The following SLC7A9 variants were observed in gnomAD, a reference collection of about 807,000 sequenced individuals.
SLC7A9 encodes the protein B(0,+)-type amino acid transporter 1.
Under a neutral mutation model 54.1 loss-of-function variants are expected in SLC7A9, and 38 were observed. The observed-to-expected ratio is 0.70, with a 90% CI of 0.54 to 0.92. The LOEUF is 0.92. Ranked by LOEUF, SLC7A9 falls within the 40% of genes least tolerant of loss-of-function variation. SLC7A9 has a pLI of 0.00. For missense variants in SLC7A9, 537 were observed against 636.1 expected (o/e 0.84, Z 1.68); for synonymous variants, 264 against 258.9 (o/e 1.02, Z -0.19).
At chr19:32,861,882 C>T (rs1174099139) in intron 6 of SLC7A9, among the ~76,000 whole-genome samples, 1 of 152,014 alleles carries the variant, frequency 6.6e-6, no homozygotes, top group Non-Finnish European at 1.5e-5. Flanking sequence ...TTTGGCTGAG[C>T]CTGTGTTGGC....
rs374033681 is a variant in SLC7A9, at chr19:32,862,225, G to A, written c.605-8C>T. 28 of 1,609,024 alleles carry A rather than the reference G, an allele frequency of 1.7e-5. No individual in the cohort carries two copies. The African/African-American group carries it at 2.5e-4, about 15-fold the overall frequency. ...CAAAATTCTTTGTGTTTCCTGTAAT[G>A]AAGCCAGACAGTGAACGGCGGGTGT... is the stretch of plus-strand genomic sequence containing the variant. On this transcript the variant is annotated splice_polypyrimidine_tract_variant and splice_region_variant and intron_variant, in intron 5 of 12. Coordinates refer to ENST00000023064, the MANE Select transcript of SLC7A9 (RefSeq NM_014270.5).
At chr19:32,868,841 C>A (rs560064687) in intron 1 of SLC7A9, among the ~76,000 whole-genome samples, 196 bp from the exon 2 acceptor site, 1 of 152,122 alleles carries the variant, frequency 6.6e-6, no homozygotes, top group African/African-American at 2.4e-5. Flanking sequence ...TCCTGGCCCA[C>A]GTGCCTGTGC....
chr19:32,864,459 T>A, intron 3 of SLC7A9, 121 bp from the exon 4 acceptor site: 1 of 1,522,934 alleles, frequency 6.6e-7, no homozygotes, highest in Non-Finnish European at 9.0e-7. Context: ...CCGCCCTCGC[T>A]GGACGGCCCT....
At chr19:32,864,430 T>C (rs1177223946) in intron 3 of SLC7A9, 92 bp from the exon 4 acceptor site, 4 of 1,580,312 alleles carry the variant, frequency 2.5e-6, no homozygotes, top group South Asian at 1.1e-5. Flanking sequence ...TGCGCTCGTA[T>C]GGAGGGGCCC....
At position 32,830,700 on chromosome 19, in the gene SLC7A9, A is replaced by G; in HGVS notation, c.1400-16T>C. The G allele has an allele frequency of 1.2e-6, 2 of 1,607,184 alleles. No homozygotes were observed. The highest frequency in any genetic ancestry group is 1.1e-5 in the South Asian group (1 of 90,922). On this transcript the variant is annotated splice_polypyrimidine_tract_variant and intron_variant, in intron 12 of 12. Transcript: ENST00000023064. ...GTAATCGGCTCTGAAATAAGAGTCA[A>G]AAATGAGTACAGTTAGTTAGACTGA... is the stretch of plus-strand genomic sequence containing the variant.
chr19:32,855,919 C>T (rs946975807), intron 9 of SLC7A9, among the ~76,000 whole-genome samples: 17 of 152,168 alleles, frequency 1.1e-4, no homozygotes, highest in African/African-American at 3.6e-4. Flanking sequence ...TCCTGACCTA[C>T]AGCTGTCTTG....
rs764258799 is a variant in SLC7A9 at position 32,864,235 on chromosome 19, G to A, written c.339C>T (p.Ser113=). The A allele has an allele frequency of 1.6e-5, 26 of 1,614,226 alleles. 1 individual carries two copies. In the South Asian group the frequency reaches 2.6e-4, roughly 16 times the overall value. ...GCTTAATGACGATCAGGCTGGCCCAGGAGAAGAGGTAGGCGGGGATGGGCC... is the reference window on the plus strand; with the variant it reads ...GCTTAATGACGATCAGGCTGGCCCAAGAGAAGAGGTAGGCGGGGATGGGCC... ...AYGPIPAYLF[S]WASLIVIKPT... Residue 113 remains serine (S), a synonymous_variant, in exon 4 of 13, where the codon TCC becomes TCT. Transcript: ENST00000023064.
intron 12 of SLC7A9, among the ~76,000 whole-genome samples, chr19:32,832,502 G>A (rs1303768819): frequency 2.0e-5 from 3 of 150,682 alleles, no homozygotes; most frequent in Admixed American, 1.3e-4. Context: ...CACAAGAATC[G>A]CTTGAACCGG....
At chr19:32,853,510 CTTTT>C (rs34971896) in intron 9 of SLC7A9, among the ~76,000 whole-genome samples, 2 of 151,864 alleles carry the variant, frequency 1.3e-5, no homozygotes, top group East Asian at 3.9e-4. Context: ...AATTAAGCAA[CTTTT>C]TTTTAACAGT....
intron 9 of SLC7A9, among the ~76,000 whole-genome samples, chr19:32,846,479 TG>T (rs1191617206): frequency 1.3e-5 from 2 of 152,118 alleles, no homozygotes; most frequent in Non-Finnish European, 2.9e-5. Flanking sequence ...GAGGGGCGCC[TG>T]CCATTGCCCA....
At chr19:32,846,741 C>G (rs1347017477) in intron 9 of SLC7A9, among the ~76,000 whole-genome samples, 2 of 152,186 alleles carry the variant, frequency 1.3e-5, no homozygotes, top group Admixed American at 6.5e-5. Flanking sequence ...CCCTGACCCC[C>G]CAGCAGCCTA....
Position 32,843,900 on chromosome 19 carries a change from G to T in SLC7A9, c.1029C>A (p.Tyr343Ter). The T allele has an allele frequency of 1.2e-6, 2 of 1,614,026 alleles. No individual in the cohort carries two copies. Among genetic ancestry groups the T allele is most frequent in the Non-Finnish European group, 1.7e-6 (2 of 1,179,988 alleles). Reference sequence around the variant, plus strand: ...CTGGAGTGAGGCGCCTGACGCTGATGTAAGAAAGCACTTTGAGCATGTGAC... The same window carrying T: ...CTGGAGTGAGGCGCCTGACGCTGATTTAAGAAAGCACTTTGAGCATGTGAC... Reference protein sequence around the residue: ...REGHMLKVLSYISVRRLTPAP... With the variant: ...REGHMLKVLS The change falls in exon 10 of 13, where the codon TAC (tyrosine) becomes TAA (stop). Residue 343 changes from tyrosine to a stop codon, truncating the protein, a stop_gained. Coordinates refer to ENST00000023064, the MANE Select transcript of SLC7A9 (RefSeq NM_014270.5). LOFTEE classifies it high-confidence loss of function.
intron 12 of SLC7A9, among the ~76,000 whole-genome samples, chr19:32,832,090 A>G (rs1967813244): frequency 6.6e-6 from 1 of 152,104 alleles, no homozygotes; most frequent in Non-Finnish European, 1.5e-5. Context: ...AGCCTGGCCA[A>G]CATGATGAAA....
At chr19:32,845,431 G>C (rs527797831) in intron 9 of SLC7A9, among the ~76,000 whole-genome samples, 1 of 151,184 alleles carries the variant, frequency 6.6e-6, no homozygotes, top group African/African-American at 2.4e-5. Context: ...GGAAGCGGAG[G>C]TTGCAGTGAG....
intron 12 of SLC7A9, among the ~76,000 whole-genome samples, chr19:32,832,494 C>T (rs1450699821): frequency 6.8e-6 from 1 of 146,816 alleles, no homozygotes; most frequent in Admixed American, 7.0e-5. Context: ...GGCTGAGGCA[C>T]AAGAATCGCT....
intron 9 of SLC7A9, among the ~76,000 whole-genome samples, chr19:32,847,213 A>C (rs11666744): frequency 0.11 from 17,239 of 152,238 alleles, 1,090 homozygotes; most frequent in Middle Eastern, 0.16. Flanking sequence ...TGAGAGAAGA[A>C]GGCTTCAGAC....
At chr19:32,845,192 G>A (rs1459766363) in intron 9 of SLC7A9, among the ~76,000 whole-genome samples, 1 of 151,262 alleles carries the variant, frequency 6.6e-6, no homozygotes, top group African/African-American at 2.4e-5. Context: ...AAGAGGAGAA[G>A]ATATAAAAAA....
chr19:32,844,529 G>T (rs1457011581), intron 9 of SLC7A9, among the ~76,000 whole-genome samples: 1 of 151,896 alleles, frequency 6.6e-6, no homozygotes, highest in South Asian at 2.1e-4. Context: ...TCTTGAAAAA[G>T]TTACCATAAT....
Position 32,858,432 on chromosome 19 carries a change from T to C in SLC7A9, c.977+8A>G. On this transcript the variant is annotated splice_region_variant and intron_variant, in intron 9 of 12. Transcript: ENST00000023064. The stretch of plus-strand genomic sequence containing the variant: ...TCCACCCTGGGAGTGACGGTGGGGG[T>C]CCCCTACCTGCCCGCTGTGAAGCAG... 6.2e-7 allele frequency: 1 copy of C among 1,602,108 alleles called. No individual in the cohort carries two copies. Among genetic ancestry groups the C allele is most frequent in the Non-Finnish European group, 8.5e-7 (1 of 1,171,130 alleles).
Sources: allele counts gnomAD v4.1 joint callset (sites outside exome capture counted in the v4.1 genomes callset), GRCh38; gene constraint gnomAD v4.1.1; transcripts MANE v1.5; gene names NCBI Gene and HGNC (gene_info 2026-07-23, HGNC 2026-07-21).